CDC40: variants seen among roughly 807,000 people sequenced by gnomAD.
CDC40 encodes the protein pre-mRNA-processing factor 17.
Under a neutral mutation model 80.6 loss-of-function variants are expected in CDC40, and 27 were observed. The observed-to-expected ratio is 0.33, with a 90% CI of 0.25 to 0.46. CDC40 has a LOEUF of 0.46. Ranked by LOEUF, CDC40 falls within the 20% of genes least tolerant of loss-of-function variation. The pLI is 1.00. For synonymous variants in CDC40, 221 were observed against 232.6 expected, an observed-to-expected ratio of 0.95 and a Z score of 0.45; for missense variants, 486 against 694.1, an observed-to-expected ratio of 0.70 and a Z score of 3.37.
At chr6:110,200,345 T>G (rs748786296) in intron 2 of CDC40, among the ~76,000 whole-genome samples, 8 of 152,158 alleles carry the variant, frequency 5.3e-5, no homozygotes, top group Non-Finnish European at 8.8e-5. Flanking sequence ...GTAATTTTAT[T>G]TGTGGCTCTG....
In CDC40 at chr6:110,193,287, G is replaced by T. The variant is rs1777375525; in HGVS notation, c.276+19G>T. 2 of 1,400,180 alleles carry T rather than the reference G, an allele frequency of 1.4e-6. No individual in the cohort carries two copies. The highest frequency in any genetic ancestry group is 2.8e-5 in the African/African-American group (2 of 70,588). The allele number at this position is 1,400,180 out of a possible 1,614,324, so 86.7% of individuals were successfully genotyped here. A position where few individuals can be genotyped will look rare whatever the true frequency, so the allele number is the denominator to read the frequency against. On this transcript the variant is annotated intron_variant, in intron 2 of 14. Coordinates refer to ENST00000307731, the MANE Select transcript of CDC40 (RefSeq NM_015891.3). ...TCCTGAGGTAAGAAAACATACTTAA[G>T]GTTCTGACTTTTGCTAAAGAATTTA...
At chr6:110,204,819 A>G (rs1290382462) in intron 3 of CDC40, among the ~76,000 whole-genome samples, 2 of 151,508 alleles carry the variant, frequency 1.3e-5, no homozygotes, top group Non-Finnish European at 2.9e-5. Flanking sequence ...ACGACCACAC[A>G]TAGCTAATGT....
intron 2 of CDC40, among the ~76,000 whole-genome samples, chr6:110,194,288 G>A (rs1777389655): frequency 6.6e-6 from 1 of 152,182 alleles, no homozygotes; most frequent in Non-Finnish European, 1.5e-5. Context: ...TCTTTAAGAA[G>A]CACTTTCAAG....
At chr6:110,209,270 TC>T (rs1361045891) in intron 5 of CDC40, 47 bp downstream of exon 5, 10 of 1,525,668 alleles carry the variant, frequency 6.6e-6, no homozygotes, top group Admixed American at 5.0e-5. Flanking sequence ...ACGCTGTATC[TC>T]TATGAAGGAT....
At chr6:110,221,777 T>A (rs1009888015) in intron 12 of CDC40, among the ~76,000 whole-genome samples, 3 of 152,156 alleles carry the variant, frequency 2.0e-5, no homozygotes, top group Non-Finnish European at 4.4e-5. Context: ...ATTACAGGGC[T>A]TAAGGACATG....
At chr6:110,223,412 T>C (rs1052377115) in intron 12 of CDC40, among the ~76,000 whole-genome samples, 1 of 152,150 alleles carries the variant, frequency 6.6e-6, no homozygotes, top group Non-Finnish European at 1.5e-5. Context: ...TTGTATTTGA[T>C]TTGATTAGTG....
intron 2 of CDC40, 119 bp from the exon 3 acceptor site, chr6:110,201,439 C>T (rs1391305171): frequency 1.5e-6 from 1 of 664,114 alleles, no homozygotes; most frequent in Non-Finnish European, 2.4e-6. Flanking sequence ...CTAATGTGTT[C>T]CCAGATAGGT....
intron 1 of CDC40, among the ~76,000 whole-genome samples, chr6:110,183,080 A>G (rs1777221376): frequency 6.6e-6 from 1 of 152,108 alleles, no homozygotes; most frequent in Non-Finnish European, 1.5e-5. Context: ...CTGCCTGGAA[A>G]TCCCTTGCCT....
At chr6:110,201,978 C>A (rs1777499075) in intron 3 of CDC40, among the ~76,000 whole-genome samples, 1 of 152,096 alleles carries the variant, frequency 6.6e-6, no homozygotes, top group South Asian at 2.1e-4. Context: ...TATTTTATAT[C>A]CATTACATGT....
chr6:110,223,801 G>GGTTTTGTTTTGTTTTGTTTTGTTTT (rs59654476), intron 12 of CDC40, among the ~76,000 whole-genome samples: 6 of 143,356 alleles, frequency 4.2e-5, no homozygotes, highest in African/African-American at 1.5e-4. Context: ...CAACTTGTAG[G>GGTTTTGTTTTGTTTTGTTTTGTTTT]GTTTTGTTTT....
At chr6:110,225,556 TATC>T (rs1352819054) in intron 12 of CDC40, among the ~76,000 whole-genome samples, 3 of 152,140 alleles carry the variant, frequency 2.0e-5, no homozygotes, top group Admixed American at 6.5e-5. Flanking sequence ...TATCATCATT[TATC>T]ATCATTTCTG....
chr6:110,199,669 T>C (rs1283028342), intron 2 of CDC40, among the ~76,000 whole-genome samples: 1 of 151,806 alleles, frequency 6.6e-6, no homozygotes, highest in Non-Finnish European at 1.5e-5. Flanking sequence ...TTTAGTAAAA[T>C]CTGAATTAAA....
chr6:110,219,815 A>G lies in CDC40; in HGVS notation c.1286A>G (p.Glu429Gly). The G allele has an allele frequency of 6.2e-7, 1 of 1,614,062 alleles. No homozygotes were observed. The highest frequency in any genetic ancestry group is 1.1e-5 in the South Asian group (1 of 91,086). ...GAVNTIVFVDENRRFVSTSDD... is the reference protein window; with the variant it reads ...GAVNTIVFVDGNRRFVSTSDD... ...GTCAACACCATTGTTTTTGTGGATG[A>G]GAATAGGAGATTTGTGAGCACATCT... The change falls in exon 12 of 15, where the codon GAG becomes GGG. Residue 429 changes from glutamate (E) to glycine (G), a missense_variant. Physicochemically the swap from Glu to Gly is moderately conservative, Grantham distance 98 (BLOSUM62 -2). Coordinates refer to ENST00000307731, the MANE Select transcript of CDC40 (RefSeq NM_015891.3).
intron 1 of CDC40, among the ~76,000 whole-genome samples, chr6:110,183,051 T>C (rs1316735115): frequency 6.6e-6 from 1 of 152,230 alleles, no homozygotes; most frequent in Non-Finnish European, 1.5e-5. Context: ...CTCTGAAGAT[T>C]TTGCCCACGC....
At chr6:110,214,637 C>T (rs1013852021) in intron 8 of CDC40, among the ~76,000 whole-genome samples, 2 of 152,130 alleles carry the variant, frequency 1.3e-5, no homozygotes, top group Non-Finnish European at 2.9e-5. Context: ...GAGACTGTGT[C>T]CTATTGGCAC....
chr6:110,199,429 C>T (rs982516427), intron 2 of CDC40, among the ~76,000 whole-genome samples: 8 of 151,652 alleles, frequency 5.3e-5, no homozygotes, highest in African/African-American at 1.9e-4. Context: ...CCCGTCTCTA[C>T]AAAAAATACA....
chr6:110,199,639 A>G (rs1347056894), intron 2 of CDC40, among the ~76,000 whole-genome samples: 1 of 151,820 alleles, frequency 6.6e-6, no homozygotes, highest in Admixed American at 6.6e-5. Context: ...TATGGCCTGT[A>G]GAAAAATTGT....
At chr6:110,227,094 A>G (rs1777873804) in intron 13 of CDC40, among the ~76,000 whole-genome samples, 1 of 152,220 alleles carries the variant, frequency 6.6e-6, no homozygotes, top group African/African-American at 2.4e-5. Flanking sequence ...ATGAGAGAAC[A>G]CTTTAGCAAT....
At chr6:110,214,683 A>G (rs540453102) in intron 8 of CDC40, among the ~76,000 whole-genome samples, 1 of 152,314 alleles carries the variant, frequency 6.6e-6, no homozygotes. Flanking sequence ...TTAGAGTACT[A>G]GCAACATTGT....
Sources: allele counts gnomAD v4.1 joint callset (sites outside exome capture counted in the v4.1 genomes callset), GRCh38; gene constraint gnomAD v4.1.1; transcripts MANE v1.5; gene names NCBI Gene and HGNC (gene_info 2026-07-23, HGNC 2026-07-21).